DSC3: variants seen among roughly 807,000 people sequenced by gnomAD.
DSC3 encodes the protein desmocollin 3, also known as desmocollin-3.
Under a neutral mutation model 89.5 loss-of-function variants are expected in DSC3, and 97 were observed. That is an observed-to-expected ratio of 1.08 (90% CI 0.92 to 1.28). The LOEUF (loss-of-function observed/expected upper bound fraction) is 1.28, where lower values mean the gene tolerates loss of function less well. DSC3 is among the 50% of genes most tolerant of loss of function. The pLI, the probability that DSC3 is intolerant of heterozygous loss-of-function variation, is 0.00. For missense variants in DSC3, 1,199 were observed against 1,085.3 expected, an observed-to-expected ratio of 1.10 and a Z score of -1.47; for synonymous variants, 436 against 384.1, an observed-to-expected ratio of 1.14 and a Z score of -1.58.
Position 30,991,679 on chromosome 18 carries a change from C to T in DSC3, c.*2496G>A, listed in dbSNP as rs1054912034. On this transcript the variant is annotated 3_prime_UTR_variant, in exon 16 of 16. Transcript: ENST00000360428. ...AGTAGCCGTTAGATAAAACTGGCTTCTGGATACAGCAGGAAATTTCAGCAA... is the reference window on the plus strand; with the variant it reads ...AGTAGCCGTTAGATAAAACTGGCTTTTGGATACAGCAGGAAATTTCAGCAA... 1 of 152,100 alleles carries T rather than the reference C, an allele frequency of 6.6e-6. No homozygotes were observed. The highest frequency in any genetic ancestry group is 1.5e-5 in the Non-Finnish European group (1 of 68,032). 9.4% of individuals were successfully genotyped at this position (152,100 alleles called of 1,614,324 possible). A position where few individuals can be genotyped will look rare whatever the true frequency, so the allele number is the denominator to read the frequency against.
At chr18:31,036,798 C>T (rs1285605529) in intron 1 of DSC3, among the ~76,000 whole-genome samples, 6 of 107,416 alleles carry the variant, frequency 5.6e-5, no homozygotes, top group African/African-American at 1.4e-4. Context: ...TTCTTTCTTC[C>T]TTTTTTTTTT....
intron 9 of DSC3, among the ~76,000 whole-genome samples, chr18:31,013,922 T>C (rs1006041331): frequency 5.3e-5 from 8 of 152,190 alleles, no homozygotes; most frequent in African/African-American, 1.9e-4. Context: ...CATTGTAGTA[T>C]ATTCATTGTA....
Position 31,008,492 on chromosome 18 carries a change from G to C in DSC3, c.1297C>G (p.Leu433Val). Residue 433 changes from leucine (L) to valine (V), a missense_variant, in exon 10 of 16, where the codon CTG becomes GTG. Transcript: ENST00000360428. ...GCTTCATTGTTTACTCCAATTTCCA[G>C]GTTCACTTGACGGTTTTCTTCATAA... ...LNYEENRQVN[L>V]EIGVNNEAPF... The C allele has an allele frequency of 1.9e-6, 3 of 1,614,008 alleles. No individual in the cohort carries two copies. Among genetic ancestry groups the C allele is most frequent in the Non-Finnish European group, 2.5e-6 (3 of 1,179,984 alleles).
At position 31,029,524 on chromosome 18, in the gene DSC3, TG is replaced by T; in HGVS notation, c.458del (p.Pro153HisfsTer21). 1 of 1,613,824 alleles carries T rather than the reference TG, an allele frequency of 6.2e-7. No individual in the cohort carries two copies. The highest frequency in any genetic ancestry group is 8.5e-7 in the Non-Finnish European group (1 of 1,179,716). On this transcript the variant is annotated frameshift_variant, in exon 4 of 16. Coordinates refer to ENST00000360428, the MANE Select transcript of DSC3 (RefSeq NM_001941.5). LOFTEE classifies it high-confidence loss of function. ...GTAAACCTACTTGTTGAAGAAACAATGGGAAAGGGCCCAAGGAATTCTCTTG... is the reference window on the plus strand; with the variant it reads ...GTAAACCTACTTGTTGAAGAAACAATGGAAAGGGCCCAAGGAATTCTCTTG... ...SMQENSLGPF[P>X]LFLQQVESDA...
Position 30,993,374 on chromosome 18 carries a change from GTTTAA to G in DSC3, c.*796_*800del, listed in dbSNP as rs752177728. On this transcript the variant is annotated 3_prime_UTR_variant, in exon 16 of 16. Transcript: ENST00000360428. Reference sequence around the variant, plus strand: ...TTTCCTTCCCACAGAAACCAGAAAAGTTTAATTTATTTACAATTTTAAACAAATTA... The same window carrying G: ...TTTCCTTCCCACAGAAACCAGAAAAGTTTATTTACAATTTTAAACAAATTA... 1 of 152,060 alleles carries G rather than the reference GTTTAA, an allele frequency of 6.6e-6. No individual in the cohort carries two copies. Among genetic ancestry groups the G allele is most frequent in the Non-Finnish European group, 1.5e-5 (1 of 68,020 alleles). 9.4% of individuals were successfully genotyped at this position (152,060 alleles called of 1,614,324 possible). A position where few individuals can be genotyped will look rare whatever the true frequency, so the allele number is the denominator to read the frequency against.
chr18:31,035,562 A>G (rs1269540928), intron 1 of DSC3, among the ~76,000 whole-genome samples: 6 of 152,070 alleles, frequency 3.9e-5, no homozygotes, highest in Non-Finnish European at 1.5e-5. Flanking sequence ...TGGTTGAAAT[A>G]TATCATAACT....
intron 9 of DSC3, among the ~76,000 whole-genome samples, chr18:31,009,330 G>T (rs1984979858): frequency 6.6e-6 from 1 of 152,122 alleles, no homozygotes; most frequent in Non-Finnish European, 1.5e-5. Flanking sequence ...TGGGATTACA[G>T]GCGTGAACCA....
At chr18:31,004,436 G>C in intron 12 of DSC3, 70 bp from the exon 13 acceptor site, 1 of 1,434,862 alleles carries the variant, frequency 7.0e-7, no homozygotes, top group Admixed American at 1.9e-5. Flanking sequence ...GTTTCATCAC[G>C]CTTGTTTTTG....
chr18:31,033,864 C>T (rs1985882721), intron 1 of DSC3, among the ~76,000 whole-genome samples: 3 of 152,186 alleles, frequency 2.0e-5, no homozygotes, highest in Admixed American at 6.5e-5. Flanking sequence ...CGCTCTGTCG[C>T]CCAGTCTGGA....
At chr18:31,005,707 C>T (rs1984814929) in intron 12 of DSC3, among the ~76,000 whole-genome samples, 1 of 152,116 alleles carries the variant, frequency 6.6e-6, no homozygotes. Flanking sequence ...GCTGGAAGTA[C>T]AAAGATGAAT....
At chr18:31,031,251 C>A in intron 2 of DSC3, 79 bp from the exon 3 acceptor site, 1 of 1,036,558 alleles carries the variant, frequency 9.6e-7, no homozygotes, top group Non-Finnish European at 1.4e-6. Context: ...ATATAATATT[C>A]TTAAAAACCA....
intron 1 of DSC3, among the ~76,000 whole-genome samples, chr18:31,040,478 CT>C (rs529297114): frequency 1.5e-3 from 222 of 152,202 alleles, no homozygotes; most frequent in African/African-American, 4.5e-3. Context: ...TGATATACTT[CT>C]TTTTTTAGTA....
In DSC3 at chr18:30,989,662, G is replaced by C. The variant is rs776443632; in HGVS notation, c.*4513C>G. ...ATTTTTTAAGTAAAGGGAAAAGAAG[G>C]TTCTGAGATTCAAACCTTTGCAATC... is the stretch of plus-strand genomic sequence containing the variant. On this transcript the variant is annotated 3_prime_UTR_variant, in exon 16 of 16. Coordinates refer to ENST00000360428, the MANE Select transcript of DSC3 (RefSeq NM_001941.5). Among the ~76,000 whole-genome samples, 15 of 152,162 alleles carry C rather than the reference G, an allele frequency of 9.9e-5. No homozygotes were observed. The highest frequency in any genetic ancestry group is 1.8e-4 in the Non-Finnish European group (12 of 68,020).
At chr18:30,997,377 G>A (rs1322346201) in intron 14 of DSC3, among the ~76,000 whole-genome samples, 1 of 152,180 alleles carries the variant, frequency 6.6e-6, no homozygotes, top group East Asian at 1.9e-4. Context: ...AAGAGCACGA[G>A]TGAGAGGGAG....
intron 9 of DSC3, among the ~76,000 whole-genome samples, chr18:31,016,609 C>T (rs904981641): frequency 6.6e-6 from 1 of 152,152 alleles, no homozygotes; most frequent in Admixed American, 6.6e-5. Flanking sequence ...CATCTCAAGA[C>T]TCAAAGATTT....
At chr18:31,019,380 C>G (rs1985344445) in intron 7 of DSC3, among the ~76,000 whole-genome samples, 1 of 152,128 alleles carries the variant, frequency 6.6e-6, no homozygotes, top group Non-Finnish European at 1.5e-5. Context: ...TAAGGCAGCA[C>G]ACCCAGCCAG....
intron 14 of DSC3, among the ~76,000 whole-genome samples, chr18:30,999,639 A>G (rs930390340): frequency 6.6e-6 from 1 of 152,076 alleles, no homozygotes; most frequent in Non-Finnish European, 1.5e-5. Flanking sequence ...CTCCATCCAC[A>G]TTTCCCAAAG....
In DSC3 at chr18:30,992,025, CGTG is replaced by C; in HGVS notation, c.*2147_*2149del. On this transcript the variant is annotated 3_prime_UTR_variant, in exon 16 of 16. Transcript: ENST00000360428. ...TTAAAAATACAAAAAATTAGCCGGG[CGTG>C]GTGGTGGGCGCCTGTAGTCCCAGCT... The C allele has an allele frequency of 6.6e-6, 1 of 151,816 alleles. No homozygotes were observed. The highest frequency in any genetic ancestry group is 2.0e-4 in the East Asian group (1 of 5,106). The allele number at this position is 151,816 out of a possible 1,614,324, so 9.4% of individuals were successfully genotyped here.
intron 1 of DSC3, among the ~76,000 whole-genome samples, chr18:31,034,116 C>T (rs1364459716): frequency 1.3e-5 from 2 of 152,176 alleles, no homozygotes; most frequent in Admixed American, 1.3e-4. Flanking sequence ...TGAGCCACCG[C>T]GCCCGGCCTG....
Sources: gnomAD v4.1 joint callset for allele counts (sites outside exome capture counted in the v4.1 genomes callset) on GRCh38, gnomAD v4.1.1 for gene constraint, MANE v1.5 for transcripts, NCBI Gene and HGNC (gene_info 2026-07-23, HGNC 2026-07-21) for gene names.